Variants in MYO1H observed in about 807,000 individuals in gnomAD.
MYO1H encodes the protein myosin IH.
In MYO1H, 118 loss-of-function variants were observed where a neutral mutation model predicts 149.3. That is an observed-to-expected ratio of 0.79 (90% confidence interval 0.68 to 0.92). MYO1H has a LOEUF of 0.92. Among genes scored for constraint, MYO1H ranks in the 40% least tolerant of loss-of-function variants. MYO1H has a pLI of 0.00. For synonymous variants in MYO1H, 447 were observed against 465.2 expected (o/e 0.96, Z 0.50); for missense variants, 1,212 against 1,280.7 (o/e 0.95, Z 0.82).
At chr12:109,381,370 A>C (rs1035202202) in intron 1 of MYO1H, among the ~76,000 whole-genome samples, 5 of 152,208 alleles carry the variant, frequency 3.3e-5, no homozygotes, top group Non-Finnish European at 7.3e-5. Flanking sequence ...CTATGACTGC[A>C]CTACCGCAGT....
intron 28 of MYO1H, 162 bp downstream of exon 28, chr12:109,443,811 G>T: frequency 1.3e-6 from 1 of 743,702 alleles, no homozygotes; most frequent in Non-Finnish European, 2.2e-6. Context: ...GCTGAGGCAG[G>T]AGGATCACTT....
At chr12:109,433,061 T>A in intron 20 of MYO1H, 51 bp downstream of exon 20, 1 of 1,417,296 alleles carries the variant, frequency 7.1e-7, no homozygotes, top group Non-Finnish European at 1.0e-6. Context: ...CATCAAAGGG[T>A]TTTGTGCATT....
chr12:109,417,889 C>T lies in MYO1H; in HGVS notation c.1597+2269C>T, dbSNP rs559434712. Among the ~76,000 whole-genome samples the T allele has an allele frequency of 3.9e-5, 6 of 151,916 alleles. No homozygotes were observed. The East Asian group carries it at 1.2e-3, about 30-fold the overall frequency. On this transcript the variant is annotated intron_variant, in intron 15 of 31. Transcript: ENST00000310903. ...GGAGTCCGGTGGCGCGATCTCGGCT[C>T]ACTGCAAGCTCCGCCTCCCGGATTC...
the MYO1H span, among the ~76,000 whole-genome samples, chr12:109,314,042 G>A: frequency 2.0e-5 from 3 of 151,798 alleles, no homozygotes; most frequent in Non-Finnish European, 4.4e-5. Flanking sequence ...GCACCACCAT[G>A]CCTGGCTAAT....
Position 109,414,028 on chromosome 12 carries a change from G to T in MYO1H, c.1503-1498G>T, listed in dbSNP as rs79403276. 3.8e-3 allele frequency among the ~76,000 whole-genome samples: 576 copies of T among 152,274 alleles called. 7 individuals carry two copies. Among genetic ancestry groups the T allele is most frequent in the African/African-American group, 0.013 (547 of 41,552 alleles). On this transcript the variant is annotated intron_variant, in intron 14 of 31. Transcript: ENST00000310903. ...TTGCGACTAGAAAGGGCTCAAAGTG[G>T]GGGTTCTCAGGGACTGGTAATGAAT...
chr12:109,443,110 G>A (rs1195997702), intron 27 of MYO1H, among the ~76,000 whole-genome samples: 1 of 124,018 alleles, frequency 8.1e-6, no homozygotes, highest in African/African-American at 3.3e-5. Context: ...GTACGTATAT[G>A]TGTGTATATG....
At position 109,436,424 on chromosome 12, in the gene MYO1H, G is replaced by A. The variant is rs1177296641; in HGVS notation, c.2141-64G>A. On this transcript the variant is annotated intron_variant, in intron 21 of 31. Transcript: ENST00000310903. ...CCATCGGCCCCCAAACACCCCTGGA[G>A]ATCACAACCACAAAGATGCGCAAAT... 5.8e-6 allele frequency: 7 copies of A among 1,211,834 alleles called. No individual in the cohort carries two copies. The East Asian group carries it at 1.5e-4, about 26-fold the overall frequency. 75.1% of individuals were successfully genotyped at this position (1,211,834 alleles called of 1,614,324 possible). A position where few individuals can be genotyped will look rare whatever the true frequency, so the allele number is the denominator to read the frequency against.
intron 1 of MYO1H, among the ~76,000 whole-genome samples, chr12:109,370,179 C>T (rs1868952348): frequency 6.6e-6 from 1 of 152,176 alleles, no homozygotes; most frequent in South Asian, 2.1e-4. Flanking sequence ...AACCCAGATT[C>T]CCAGGCCCAT....
chr12:109,318,707 A>T, the MYO1H span, among the ~76,000 whole-genome samples: 1 of 152,176 alleles, frequency 6.6e-6, no homozygotes, highest in Non-Finnish European at 1.5e-5. Flanking sequence ...AAAAACAAGG[A>T]AGCAGGAGAC....
Position 109,401,217 on chromosome 12 carries a change from G to A in MYO1H, c.695G>A (p.Arg232His), listed in dbSNP as rs370534729. The change falls in exon 6 of 32, where the codon CGC becomes CAC. Residue 232 changes from arginine (R) to histidine (H), a missense_variant. Arg to His is a conservative substitution (Grantham distance 29). Transcript: ENST00000310903. ...CTGCTGGCAGGTGGCGAAGAGGAGC[G>A]CCTGTCTTACCTGGGACTCGAGCGA... 9.7e-5 allele frequency: 157 copies of A among 1,613,692 alleles called. 1 individual carries two copies. The Middle Eastern group carries it at 5.9e-3, about 61-fold the overall frequency.
intron 6 of MYO1H, 57 bp from the exon 7 acceptor site, chr12:109,403,925 C>A: frequency 1.7e-6 from 2 of 1,161,522 alleles, no homozygotes; most frequent in Non-Finnish European, 2.6e-6. Flanking sequence ...GAGGAATAGA[C>A]ATGCTTAATT....
chr12:109,351,640 T>C (rs573051025), intron 1 of MYO1H, among the ~76,000 whole-genome samples: 96 of 152,352 alleles, frequency 6.3e-4, no homozygotes, highest in African/African-American at 2.3e-3. Context: ...AGAAAATATT[T>C]GCTGATTGGT....
the MYO1H span, among the ~76,000 whole-genome samples, chr12:109,339,226 G>A: frequency 6.6e-6 from 1 of 152,086 alleles, no homozygotes; most frequent in Non-Finnish European, 1.5e-5. Context: ...TTAGCCAGAA[G>A]TGGTGGCAGG....
chr12:109,407,719 G>A (rs12307472), intron 9 of MYO1H, 75 bp from the exon 10 acceptor site: 1 of 1,413,794 alleles, frequency 7.1e-7, no homozygotes, highest in Non-Finnish European at 9.4e-7. Context: ...TTTTTTTTAA[G>A]AAAAAAGACT....
intron 1 of MYO1H, among the ~76,000 whole-genome samples, chr12:109,372,635 T>C (rs1167740409): frequency 1.3e-5 from 2 of 152,098 alleles, no homozygotes; most frequent in South Asian, 2.1e-4. Flanking sequence ...TAAAGACATA[T>C]GTCATCATGT....
chr12:109,326,721 C>T, the MYO1H span, among the ~76,000 whole-genome samples: 14 of 151,764 alleles, frequency 9.2e-5, no homozygotes, highest in East Asian at 7.8e-4. Context: ...GGTTTCGCCA[C>T]GTTGCCCAGG....
the MYO1H span, among the ~76,000 whole-genome samples, chr12:109,318,974 T>G: frequency 1.2e-5 from 1 of 83,406 alleles, no homozygotes; most frequent in Non-Finnish European, 2.2e-5. Flanking sequence ...TTGGTTTTGT[T>G]TTTTTTTTTT....
In MYO1H at chr12:109,435,215, C is replaced by CA; in HGVS notation, c.2140+103dup. 1.7e-5 allele frequency: 12 copies of CA among 717,016 alleles called. No individual in the cohort carries two copies. The South Asian group carries it at 2.2e-4, about 13-fold the overall frequency. The allele number at this position is 717,016 out of a possible 1,614,324, so 44.4% of individuals were successfully genotyped here. On this transcript the variant is annotated intron_variant, in intron 21 of 31. Coordinates refer to ENST00000310903, the Ensembl canonical transcript of MYO1H. ...CGGGTGTTTGATATAGTGTTAGAAG[C>CA]ATTCGCTTTGGAAACTAGGAACGAG...
Position 109,441,705 on chromosome 12 carries a change from A to T in MYO1H, c.2629A>T (p.Ile877Leu), listed in dbSNP as rs769008842. 1.9e-6 allele frequency: 3 copies of T among 1,607,464 alleles called. No individual in the cohort carries two copies. The African/African-American group carries it at 4.0e-5, about 22-fold the overall frequency. Residue 877 changes from isoleucine to leucine, a missense_variant, in exon 26 of 32, where the codon ATA becomes TTA. Ile to Leu is a conservative substitution (Grantham distance 5). Transcript: ENST00000310903. The stretch of plus-strand genomic sequence containing the variant: ...AAATCAACCCTTTGTCAACAGTCGG[A>T]TAGGTAAGTACATTTTCCAGCCTAT...
Sources: gnomAD v4.1 joint callset for allele counts (sites outside exome capture counted in the v4.1 genomes callset) on GRCh38, gnomAD v4.1.1 for gene constraint, MANE v1.5 for transcripts, NCBI Gene and HGNC (gene_info 2026-07-23, HGNC 2026-07-21) for gene names.